MBNL2: variants seen among roughly 807,000 people sequenced by gnomAD.
The protein encoded by MBNL2 is muscleblind-like protein 2.
MBNL2 carries 17 observed loss-of-function variants against 41.9 expected under a neutral mutation model. That is an observed-to-expected ratio of 0.41 (90% CI 0.28 to 0.61). The LOEUF is 0.61. MBNL2 is among the 20% of genes least tolerant of loss of function. The pLI, the probability that MBNL2 is intolerant of heterozygous loss-of-function variation, is 0.35. For missense variants in MBNL2, 336 were observed against 505.6 expected (o/e 0.66, Z 3.22); for synonymous variants, 195 against 182.9 (o/e 1.07, Z -0.53).
At chr13:97,174,270 A>G in the MBNL2 span, among the ~76,000 whole-genome samples, 1 of 152,288 alleles carries the variant, frequency 6.6e-6, no homozygotes, top group South Asian at 2.1e-4. Context: ...CTAACTCTAC[A>G]GCCATACTTT....
intron 2 of MBNL2, among the ~76,000 whole-genome samples, chr13:97,312,249 C>T (rs1398069062): frequency 5.9e-5 from 9 of 152,248 alleles, no homozygotes; most frequent in South Asian, 2.1e-4. Context: ...AATAAGGGGA[C>T]GGAAAACATC....
chr13:97,339,661 A>G lies in MBNL2; in HGVS notation c.340-3355A>G, dbSNP rs541189515. On this transcript the variant is annotated intron_variant, in intron 3 of 8. Coordinates refer to ENST00000679496, the MANE Select transcript of MBNL2 (RefSeq NM_001382683.1). The stretch of plus-strand genomic sequence containing the variant: ...CGCCAGCTGAGAACCAAACTCAGAC[A>G]CCGGGATCCGTTGTTGGCCGAGATT... Among the ~76,000 whole-genome samples the G allele has an allele frequency of 2.8e-4, 43 of 151,986 alleles. 1 individual carries two copies. The highest frequency in any genetic ancestry group is 9.9e-4 in the African/African-American group (41 of 41,418).
At chr13:97,212,161 G>T in the MBNL2 span, among the ~76,000 whole-genome samples, 8 of 152,142 alleles carry the variant, frequency 5.3e-5, no homozygotes, top group Non-Finnish European at 1.0e-4. Flanking sequence ...GAAACAAGGG[G>T]TGGGACTCAG....
At chr13:97,328,418 G>T (rs2060095213) in intron 2 of MBNL2, among the ~76,000 whole-genome samples, 1 of 152,188 alleles carries the variant, frequency 6.6e-6, no homozygotes, top group Admixed American at 6.5e-5. Context: ...TAAAGCACAT[G>T]CCATCTGCCC....
chr13:97,146,266 G>C, the MBNL2 span, among the ~76,000 whole-genome samples: 1 of 151,690 alleles, frequency 6.6e-6, no homozygotes, highest in Non-Finnish European at 1.5e-5. Context: ...CTCCCAAAGT[G>C]CTGGCATTAC....
At chr13:97,218,271 G>A (rs530772371), upstream of MBNL2, among the ~76,000 whole-genome samples, 15 of 152,030 alleles carry the variant, frequency 9.9e-5, 1 homozygote, top group Middle Eastern at 3.4e-3. Context: ...TTAGCTGGGC[G>A]TGGTGGCGGG....
At chr13:97,144,423 C>CTTTTTTTTTTTTTTTTTTT in the MBNL2 span, among the ~76,000 whole-genome samples, 3 of 118,082 alleles carry the variant, frequency 2.5e-5, no homozygotes, top group African/African-American at 1.2e-4. Context: ...CATGATACTT[C>CTTTTTTTTTTTTTTTTTTT]TTTTTTTTTT....
chr13:97,186,612 C>A, the MBNL2 span, among the ~76,000 whole-genome samples: 1 of 152,120 alleles, frequency 6.6e-6, no homozygotes, highest in African/African-American at 2.4e-5. Flanking sequence ...GACTATCTAA[C>A]CATATGACTA....
chr13:97,298,814 T>C (rs2057327211), intron 2 of MBNL2, among the ~76,000 whole-genome samples: 1 of 152,206 alleles, frequency 6.6e-6, no homozygotes, highest in African/African-American at 2.4e-5. Context: ...GGAAAAGTAC[T>C]AGAGGAATAC....
intron 7 of MBNL2, among the ~76,000 whole-genome samples, chr13:97,359,346 A>T (rs1481190939): frequency 6.6e-6 from 1 of 152,036 alleles, no homozygotes; most frequent in East Asian, 1.9e-4. Context: ...TGAAGAATGG[A>T]TGTTACTGCC....
chr13:97,364,163 T>C (rs1250026074), intron 7 of MBNL2, among the ~76,000 whole-genome samples: 1 of 152,186 alleles, frequency 6.6e-6, no homozygotes, highest in African/African-American at 2.4e-5. Flanking sequence ...TCATGATGCG[T>C]GTATGTTATT....
intron 2 of MBNL2, among the ~76,000 whole-genome samples, chr13:97,292,123 C>T (rs942513523): frequency 6.7e-6 from 1 of 149,476 alleles, no homozygotes; most frequent in African/African-American, 2.5e-5. Flanking sequence ...ACGGCGTGAA[C>T]CCGGGACGCG....
At chr13:97,157,376 T>C in the MBNL2 span, among the ~76,000 whole-genome samples, 1 of 147,610 alleles carries the variant, frequency 6.8e-6, no homozygotes, top group Non-Finnish European at 1.5e-5. Flanking sequence ...CCTAATTGAA[T>C]ACCCTTTATT....
intron 2 of MBNL2, among the ~76,000 whole-genome samples, chr13:97,308,264 G>T (rs776475533): frequency 5.9e-5 from 9 of 152,184 alleles, no homozygotes; most frequent in Non-Finnish European, 1.2e-4. Flanking sequence ...GACTTACAAT[G>T]ATTCCAGATC....
chr13:97,327,198 TTAA>T (rs1298353055), intron 2 of MBNL2, among the ~76,000 whole-genome samples: 1 of 152,188 alleles, frequency 6.6e-6, no homozygotes, highest in African/African-American at 2.4e-5. Flanking sequence ...CTGTGGGTAC[TTAA>T]TAAATCCTCC....
intron 2 of MBNL2, among the ~76,000 whole-genome samples, chr13:97,289,771 A>G (rs1305637510): frequency 1.3e-5 from 2 of 152,226 alleles, no homozygotes; most frequent in Non-Finnish European, 2.9e-5. Flanking sequence ...GGTAAAGTAA[A>G]TTAAAATGGA....
At chr13:97,356,922 A>AAC in intron 6 of MBNL2, 73 bp downstream of exon 6, 4 of 939,520 alleles carry the variant, frequency 4.3e-6, no homozygotes, top group Non-Finnish European at 6.0e-6. Context: ...ATTACTTGTA[A>AAC]AATACTGGTT....
chr13:97,239,733 T>TA (rs2043922304), intron 1 of MBNL2, among the ~76,000 whole-genome samples: 1 of 152,342 alleles, frequency 6.6e-6, no homozygotes, highest in Middle Eastern at 3.4e-3. Context: ...TCCTAACTCT[T>TA]AAAATAAGTT....
Position 97,384,126 on chromosome 13 carries a change from C to T in MBNL2, c.1049-7196C>T, listed in dbSNP as rs186215208. Among the ~76,000 whole-genome samples, 266 of 152,176 alleles carry T rather than the reference C, an allele frequency of 1.7e-3. 1 individual carries two copies. Among genetic ancestry groups the T allele is most frequent in the African/African-American group, 5.9e-3 (246 of 41,508 alleles). On this transcript the variant is annotated intron_variant, in intron 8 of 8. Coordinates refer to ENST00000679496, the MANE Select transcript of MBNL2 (RefSeq NM_001382683.1). ...ACGTTGGCCAGGCTGGTCTCGAACTCCTGACCTCAAGTGATCTGTCCACCT... is the reference window on the plus strand; with the variant it reads ...ACGTTGGCCAGGCTGGTCTCGAACTTCTGACCTCAAGTGATCTGTCCACCT...
Sources: gnomAD v4.1 joint callset for allele counts (sites outside exome capture counted in the v4.1 genomes callset) on GRCh38, gnomAD v4.1.1 for gene constraint, MANE v1.5 for transcripts, NCBI Gene and HGNC (gene_info 2026-07-23, HGNC 2026-07-21) for gene names.